THSD4: variants seen among roughly 807,000 people sequenced by gnomAD.
THSD4 encodes thrombospondin type 1 domain containing 4.
In THSD4, 69 loss-of-function variants were observed where a neutral mutation model predicts 119.0. The observed-to-expected ratio is 0.58, with a 90% CI of 0.48 to 0.71. The LOEUF (loss-of-function observed/expected upper bound fraction) is 0.71, where lower values mean the gene tolerates loss of function less well. THSD4 is among the 30% of genes least tolerant of loss of function. The pLI is 0.00. For synonymous variants in THSD4, 524 were observed against 540.4 expected, an observed-to-expected ratio of 0.97 and a Z score of 0.42; for missense variants, 1,393 against 1,391.1, an observed-to-expected ratio of 1.00 and a Z score of -0.02.
At chr15:71,510,662 C>G in intron 7 of THSD4, among the ~76,000 whole-genome samples, 1 of 152,184 alleles carries the variant, frequency 6.6e-6, no homozygotes, top group East Asian at 1.9e-4. Flanking sequence ...TGAAGACAAA[C>G]CAGGTTTTCT....
intron 6 of THSD4, among the ~76,000 whole-genome samples, chr15:71,356,258 T>C (rs2045808253): frequency 6.6e-6 from 1 of 152,234 alleles, no homozygotes; most frequent in Non-Finnish European, 1.5e-5. Context: ...GGCTACTCTC[T>C]GCACACGGTT....
intron 6 of THSD4, among the ~76,000 whole-genome samples, chr15:71,384,725 A>G (rs2046274420): frequency 6.6e-6 from 1 of 152,214 alleles, no homozygotes; most frequent in Non-Finnish European, 1.5e-5. Context: ...CTTAAAGTGC[A>G]GTGCCGTTCA....
chr15:71,435,567 G>T (rs1223680365), intron 7 of THSD4, among the ~76,000 whole-genome samples: 3 of 152,184 alleles, frequency 2.0e-5, no homozygotes, highest in Non-Finnish European at 4.4e-5. Flanking sequence ...AACTTTCCGG[G>T]TTTAGAATAC....
In THSD4 at chr15:71,468,141, G is replaced by A. The variant is rs1014761686; in HGVS notation, c.1152+56318G>A. 4.5e-4 allele frequency among the ~76,000 whole-genome samples: 69 copies of A among 152,262 alleles called. 1 individual carries two copies. Among genetic ancestry groups the A allele is most frequent in the African/African-American group, 1.6e-3 (65 of 41,562 alleles). ...TGGGATTACAGGCATGAGCCACTGC[G>A]CCCAGCCAATCTGATGGTTTTATAA... On this transcript the variant is annotated intron_variant, in intron 7 of 17. Coordinates refer to ENST00000261862, the MANE Select transcript of THSD4 (RefSeq NM_024817.3).
intron 6 of THSD4, among the ~76,000 whole-genome samples, chr15:71,312,327 C>T (rs371338730): frequency 8.6e-5 from 13 of 151,280 alleles, no homozygotes; most frequent in East Asian, 3.9e-4. Context: ...GACTCTGTCT[C>T]GAGGCAGGGG....
intron 8 of THSD4, among the ~76,000 whole-genome samples, chr15:71,719,392 A>G (rs1441018531): frequency 6.6e-6 from 1 of 152,260 alleles, no homozygotes; most frequent in African/African-American, 2.4e-5. Flanking sequence ...TATTTGTTTA[A>G]CAGAAACCAT....
At chr15:71,139,645 G>A (rs1006314) in intron 1 of THSD4, among the ~76,000 whole-genome samples, 6,437 of 152,266 alleles carry the variant, frequency 0.042, 197 homozygotes, top group Middle Eastern at 0.072. Context: ...CCCGCAGAAA[G>A]GGCCTGTGGT....
In THSD4 at chr15:71,260,458, T is replaced by C. The variant is rs952350483; in HGVS notation, c.1015+3743T>C. 3.3e-5 allele frequency among the ~76,000 whole-genome samples: 5 copies of C among 152,198 alleles called. No homozygotes were observed. In the South Asian group the frequency reaches 1.0e-3, roughly 32 times the overall value. On this transcript the variant is annotated intron_variant, in intron 6 of 17. Coordinates refer to ENST00000261862, the MANE Select transcript of THSD4 (RefSeq NM_024817.3). ...CTCTCCCACCCAGATTATGGGAAAC[T>C]GCTTGAATTCACATTACAGAGCATT... is the stretch of plus-strand genomic sequence containing the variant.
rs1364571014 is a variant in THSD4 at position 71,411,804 on chromosome 15, G to A, written c.1133G>A (p.Cys378Tyr). ...TGTGACCAGAACGGCACGGCCATCT[G>A]TGTGTCTGGGCAGTGCAAGGTAAGT... ...TPCDQNGTAI[C>Y]VSGQCKSIGC... The change falls in exon 7 of 18, where the codon TGT (cysteine) becomes TAT (tyrosine). Residue 378 changes from cysteine (C) to tyrosine (Y), a missense_variant. Transcript: ENST00000261862. 1 of 1,613,972 alleles carries A rather than the reference G, an allele frequency of 6.2e-7. No homozygotes were observed. Among genetic ancestry groups the A allele is most frequent in the African/African-American group, 1.3e-5 (1 of 74,908 alleles).
intron 6 of THSD4, among the ~76,000 whole-genome samples, chr15:71,334,050 T>C (rs545813348): frequency 6.6e-6 from 1 of 152,238 alleles, no homozygotes; most frequent in Admixed American, 6.5e-5. Flanking sequence ...TCGAGTTGAG[T>C]TGATGAAAGT....
chr15:71,097,861 T>C (rs1486592051), intron 1 of THSD4, among the ~76,000 whole-genome samples: 1 of 151,938 alleles, frequency 6.6e-6, no homozygotes, highest in Non-Finnish European at 1.5e-5. Context: ...TTAATGAAAC[T>C]GAGGCAAGTT....
chr15:71,593,661 C>T (rs1032531417), intron 7 of THSD4, among the ~76,000 whole-genome samples: 22 of 151,974 alleles, frequency 1.4e-4, no homozygotes, highest in African/African-American at 4.6e-4. Flanking sequence ...TTTGGGAGGC[C>T]GAGGTGGGTG....
chr15:71,629,444 G>A (rs1282220409), intron 7 of THSD4, among the ~76,000 whole-genome samples: 6 of 152,078 alleles, frequency 3.9e-5, no homozygotes, highest in African/African-American at 9.7e-5. Context: ...GGACCCTGAG[G>A]GCCTTTCCGC....
chr15:71,243,348 G>T (rs2044171569), intron 5 of THSD4, among the ~76,000 whole-genome samples: 1 of 151,836 alleles, frequency 6.6e-6, no homozygotes, highest in South Asian at 2.1e-4. Context: ...CTTAATGGTG[G>T]TATTAATTAT....
intron 7 of THSD4, among the ~76,000 whole-genome samples, chr15:71,555,521 T>G (rs1043104500): frequency 3.3e-5 from 5 of 152,246 alleles, no homozygotes; most frequent in Admixed American, 2.6e-4. Flanking sequence ...ACTACTGATT[T>G]AAGAGTGCTT....
intron 1 of THSD4, among the ~76,000 whole-genome samples, chr15:71,135,172 T>C (rs2040537702): frequency 8.5e-6 from 1 of 118,060 alleles, no homozygotes; most frequent in South Asian, 3.0e-4. Context: ...AACAATGAGA[T>C]CACATGGTCA....
chr15:71,143,645 T>C (rs1024444436), intron 2 of THSD4, among the ~76,000 whole-genome samples: 2 of 151,958 alleles, frequency 1.3e-5, no homozygotes, highest in Non-Finnish European at 2.9e-5. Context: ...GGAAATCCCT[T>C]TTGCAAAGTT....
At chr15:71,098,494 G>A (rs2040241279) in intron 1 of THSD4, among the ~76,000 whole-genome samples, 1 of 152,040 alleles carries the variant, frequency 6.6e-6, no homozygotes, top group Admixed American at 6.6e-5. Context: ...AAATTGCTGG[G>A]CTCAAGCGAT....
At chr15:71,632,508 C>T (rs2050652068) in intron 7 of THSD4, among the ~76,000 whole-genome samples, 1 of 152,240 alleles carries the variant, frequency 6.6e-6, no homozygotes, top group Non-Finnish European at 1.5e-5. Context: ...GGTCCTCCAG[C>T]ATGTTGGAAT....
Sources: gnomAD v4.1 joint callset for allele counts (sites outside exome capture counted in the v4.1 genomes callset) on GRCh38, gnomAD v4.1.1 for gene constraint, MANE v1.5 for transcripts, NCBI Gene and HGNC (gene_info 2026-07-23, HGNC 2026-07-21) for gene names.